Variants in LYPLAL1 observed in about 807,000 individuals in gnomAD.
LYPLAL1 encodes the protein lysophospholipase like 1, also known as lysophospholipase-like protein 1.
A neutral mutation model predicts 19.7 loss-of-function variants in LYPLAL1; 23 were observed. The ratio of observed to expected loss-of-function variants is 1.17; its 90% CI spans 0.84 to 1.65. The LOEUF is 1.65. Ranked by LOEUF, LYPLAL1 falls within the 40% of genes most tolerant of loss-of-function variation. The probability of loss-of-function intolerance (pLI) is 0.00; values close to 1 mark genes in which losing one functional copy is unlikely to be tolerated. For missense variants in LYPLAL1, 355 were observed against 279.4 expected, an observed-to-expected ratio of 1.27 and a Z score of -1.93; for synonymous variants, 119 against 96.3, an observed-to-expected ratio of 1.24 and a Z score of -1.38.
At chr1:219,207,757 T>A (rs1235194836) in intron 3 of LYPLAL1, among the ~76,000 whole-genome samples, 1 of 152,080 alleles carries the variant, frequency 6.6e-6, no homozygotes, top group Non-Finnish European at 1.5e-5. Context: ...GAATGTCTGA[T>A]TTTGAATTTT....
chr1:219,173,920 G>T lies in LYPLAL1; in HGVS notation c.30G>T (p.Gln10His), dbSNP rs370378232. The T allele has an allele frequency of 1.7e-5, 27 of 1,613,662 alleles. No individual in the cohort carries two copies. The highest frequency in any genetic ancestry group is 4.0e-5 in the African/African-American group (3 of 74,946). ...CGGCTGCGTCGGGGTCGGTTCTGCA[G>T]CGCTGTATCGTGTCGCCGGCAGGGA... MAAASGSVL[Q>H]RCIVSPAGRH... Residue 10 changes from glutamine (Q) to histidine (H), a missense_variant, in exon 1 of 5, where the codon CAG becomes CAT. Gln to His is a conservative substitution (Grantham distance 24, BLOSUM62 0). Coordinates refer to ENST00000366928, the MANE Select transcript of LYPLAL1 (RefSeq NM_138794.5).
At chr1:219,258,852 A>G in the LYPLAL1 span, among the ~76,000 whole-genome samples, 1 of 152,150 alleles carries the variant, frequency 6.6e-6, no homozygotes, top group Non-Finnish European at 1.5e-5. Context: ...AGTGGGAGAA[A>G]ATATTCATAA....
At chr1:219,414,211 G>C in the LYPLAL1 span, among the ~76,000 whole-genome samples, 4 of 152,270 alleles carry the variant, frequency 2.6e-5, no homozygotes, top group East Asian at 7.7e-4. Context: ...CCTACATTTT[G>C]CAATAAATGC....
the LYPLAL1 span, among the ~76,000 whole-genome samples, chr1:219,224,559 A>G: frequency 6.6e-6 from 1 of 152,198 alleles, no homozygotes; most frequent in Non-Finnish European, 1.5e-5. Context: ...CTGATTATGC[A>G]GGACAAAAAC....
At chr1:219,402,544 G>C in the LYPLAL1 span, among the ~76,000 whole-genome samples, 2 of 150,044 alleles carry the variant, frequency 1.3e-5, no homozygotes, top group African/African-American at 2.5e-5. Context: ...TCTTGGACCA[G>C]TATATTGACT....
chr1:219,231,282 A>G, the LYPLAL1 span, among the ~76,000 whole-genome samples: 3 of 152,220 alleles, frequency 2.0e-5, no homozygotes, highest in Non-Finnish European at 4.4e-5. Context: ...AGAGGAGAAC[A>G]TTGGAAACAT....
At chr1:219,289,078 G>GGT in the LYPLAL1 span, among the ~76,000 whole-genome samples, 1 of 114,918 alleles carries the variant, frequency 8.7e-6, no homozygotes, top group Admixed American at 9.5e-5. Context: ...CTCTTGTTTT[G>GGT]TTTTTTTTGT....
chr1:219,373,077 C>A, the LYPLAL1 span, among the ~76,000 whole-genome samples: 1 of 152,134 alleles, frequency 6.6e-6, no homozygotes, highest in Non-Finnish European at 1.5e-5. Flanking sequence ...TATTGTTTAA[C>A]CATCAGGCAT....
chr1:219,224,076 G>A, the LYPLAL1 span, among the ~76,000 whole-genome samples: 1 of 152,000 alleles, frequency 6.6e-6, no homozygotes, highest in African/African-American at 2.4e-5. Context: ...TCTGCTATGT[G>A]TTCTTTTGCC....
the LYPLAL1 span, among the ~76,000 whole-genome samples, chr1:219,377,945 C>A: frequency 6.6e-6 from 1 of 152,180 alleles, no homozygotes; most frequent in Admixed American, 6.5e-5. Flanking sequence ...TAATTCAATT[C>A]TGCAACTGTA....
the LYPLAL1 span, among the ~76,000 whole-genome samples, chr1:219,221,951 A>G: frequency 2.0e-5 from 3 of 152,256 alleles, no homozygotes; most frequent in East Asian, 1.9e-4. Context: ...CTTCCCCACT[A>G]TGATCTCTGC....
At chr1:219,256,063 A>G in the LYPLAL1 span, among the ~76,000 whole-genome samples, 1 of 151,736 alleles carries the variant, frequency 6.6e-6, no homozygotes, top group Non-Finnish European at 1.5e-5. Flanking sequence ...AGATTTTTCT[A>G]TCAAAGTTTA....
the LYPLAL1 span, among the ~76,000 whole-genome samples, chr1:219,284,594 A>G: frequency 2.6e-5 from 4 of 152,266 alleles, no homozygotes; most frequent in African/African-American, 9.6e-5. Flanking sequence ...AATAAGAAGT[A>G]GCAGCAACTA....
At chr1:219,308,921 G>T in the LYPLAL1 span, among the ~76,000 whole-genome samples, 2 of 152,130 alleles carry the variant, frequency 1.3e-5, no homozygotes, top group Admixed American at 1.3e-4. Flanking sequence ...ACCCCAGAAT[G>T]GTTGGTCTAC....
At chr1:219,381,290 T>C in the LYPLAL1 span, among the ~76,000 whole-genome samples, 1 of 152,200 alleles carries the variant, frequency 6.6e-6, no homozygotes, top group Non-Finnish European at 1.5e-5. Flanking sequence ...TCTTTTGCCA[T>C]GATTGTGAGC....
chr1:219,333,705 G>A, the LYPLAL1 span, among the ~76,000 whole-genome samples: 1 of 151,940 alleles, frequency 6.6e-6, no homozygotes, highest in East Asian at 1.9e-4. Flanking sequence ...ATTCAGCAAG[G>A]CAAAACTCCT....
At chr1:219,396,102 CAAA>C in the LYPLAL1 span, among the ~76,000 whole-genome samples, 100 of 119,162 alleles carry the variant, frequency 8.4e-4, no homozygotes, top group Admixed American at 1.2e-3. Flanking sequence ...GACTCCATCT[CAAA>C]AAAAAAAAAA....
At chr1:219,395,782 G>GTCC in the LYPLAL1 span, among the ~76,000 whole-genome samples, 1 of 152,076 alleles carries the variant, frequency 6.6e-6, no homozygotes, top group Non-Finnish European at 1.5e-5. Context: ...TCCATCTTGA[G>GTCC]TTGATTTTTA....
the LYPLAL1 span, among the ~76,000 whole-genome samples, chr1:219,235,729 C>T: frequency 2.0e-5 from 3 of 152,108 alleles, no homozygotes; most frequent in South Asian, 2.1e-4. Context: ...GAAGATTTTT[C>T]GATGCCAATA....
Sources: gnomAD v4.1 joint callset for allele counts (sites outside exome capture counted in the v4.1 genomes callset) on GRCh38, gnomAD v4.1.1 for gene constraint, MANE v1.5 for transcripts, NCBI Gene and HGNC (gene_info 2026-07-23, HGNC 2026-07-21) for gene names.